MUC3A: variants seen among roughly 807,000 people sequenced by gnomAD.
MUC3A encodes mucin-3A.
MUC3A carries 109 observed loss-of-function variants against 109.0 expected under a neutral mutation model. The observed-to-expected ratio is 1.00, with a 90% confidence interval of 0.86 to 1.17. The LOEUF is 1.17. Ranked by LOEUF, MUC3A falls within the 50% of genes most tolerant of loss-of-function variation. The pLI, the probability that MUC3A is intolerant of heterozygous loss-of-function variation, is 0.00. For missense variants in MUC3A, 3,537 were observed against 2,469.4 expected, an observed-to-expected ratio of 1.43 and a Z score of -9.16; for synonymous variants, 1,398 against 981.4, an observed-to-expected ratio of 1.42 and a Z score of -7.93.
Position 100,956,739 on chromosome 7 carries a change from C to G in MUC3A, c.4960C>G (p.Leu1654Val), listed in dbSNP as rs1397660554. The G allele has an allele frequency of 2.4e-6, 1 of 409,458 alleles. No homozygotes were observed. Among genetic ancestry groups the G allele is most frequent in the Non-Finnish European group, 4.3e-6 (1 of 233,766 alleles). The allele number at this position is 409,458 out of a possible 1,614,324, so 25.4% of individuals were successfully genotyped here. ...STENTPTRSL[L>V]TSFPVTHSFS... ...TGAGAACACTCCAACAAGGTCCCTC[C>G]TGACAAGCTTTCCAGTGACACATTC... The change falls in exon 2 of 12, where the codon CTG becomes GTG. Residue 1654 changes from leucine to valine, a missense_variant. Physicochemically the swap from Leu to Val is conservative, Grantham distance 32. Transcript: ENST00000379458.
In MUC3A at chr7:100,959,164, A is replaced by G. The variant is rs74183623; in HGVS notation, c.7385A>G (p.His2462Arg). ...ACATCCACAACTGCCATCACCTCAC[A>G]TTTTACTACCTCAGAGACTGCGGTG... The part of the protein sequence containing the change: ...VSTSTTAITS[H>R]FTTSETAVTP... Residue 2462 changes from histidine to arginine, a missense_variant, in exon 2 of 12, where the codon CAT (histidine) becomes CGT (arginine). Transcript: ENST00000379458. 2 of 1,226,862 alleles carry G rather than the reference A, an allele frequency of 1.6e-6. No individual in the cohort carries two copies. Among genetic ancestry groups the G allele is most frequent in the Non-Finnish European group, 2.0e-6 (2 of 979,722 alleles). 76.0% of individuals were successfully genotyped at this position (1,226,862 alleles called of 1,614,324 possible).
rs1792422438 is a variant in MUC3A at position 100,963,759 on chromosome 7, G to T, written c.9233+7G>T. On this transcript the variant is annotated splice_region_variant and intron_variant, in intron 5 of 11. Coordinates refer to ENST00000379458, the MANE Select transcript of MUC3A (RefSeq NM_005960.2). ...TGGAGATCCTGTCCCTGAGGTAGGAGACCCATCTGGGGATGCGGAGGCGGT... is the reference window on the plus strand; with the variant it reads ...TGGAGATCCTGTCCCTGAGGTAGGATACCCATCTGGGGATGCGGAGGCGGT... 2.5e-6 allele frequency: 4 copies of T among 1,598,572 alleles called. No individual in the cohort carries two copies. Among genetic ancestry groups the T allele is most frequent in the African/African-American group, 1.3e-5 (1 of 75,084 alleles).
chr7:100,967,563 C>G lies in MUC3A; in HGVS notation c.*401C>G. On this transcript the variant is annotated 3_prime_UTR_variant, in exon 12 of 12. Coordinates refer to ENST00000379458, the MANE Select transcript of MUC3A (RefSeq NM_005960.2). ...CCTCTCTCGGATCCTCCAATCCTCA[C>G]GTCCTTCACCTGGTCTCTGGCCCTG... 2.3e-6 allele frequency: 1 copy of G among 427,848 alleles called. No homozygotes were observed. Among genetic ancestry groups the G allele is most frequent in the South Asian group, 3.9e-5 (1 of 25,368 alleles). The allele number at this position is 427,848 out of a possible 1,614,324, so 26.5% of individuals were successfully genotyped here.
chr7:100,962,218 C>T (rs1319999612), intron 3 of MUC3A, among the ~76,000 whole-genome samples: 6,883 of 100,868 alleles, frequency 0.068, 1,648 homozygotes, highest in Middle Eastern at 0.1. Flanking sequence ...GGCGACAGAG[C>T]GAGACTCCGT....
rs2116175396 is a variant in MUC3A at position 100,956,069 on chromosome 7, G to GA, written c.4290_4291insA (p.Val1431SerfsTer31). 5.0e-6 allele frequency: 2 copies of GA among 401,212 alleles called. No homozygotes were observed. Among genetic ancestry groups the GA allele is most frequent in the Middle Eastern group, 4.2e-4 (1 of 2,356 alleles). The allele number at this position is 401,212 out of a possible 1,614,324, so 24.9% of individuals were successfully genotyped here. ...CTTCTACACCTGTCCCAAGCACAGA[G>GA]GTGACCACCAGTCATACCACAAACA... On this transcript the variant is annotated frameshift_variant, in exon 2 of 12. Transcript: ENST00000379458. LOFTEE classifies it high-confidence loss of function.
chr7:100,954,077 C>G lies in MUC3A; in HGVS notation c.2298C>G (p.Thr766=). The change falls in exon 2 of 12, where the codon ACC becomes ACG. Residue 766 remains threonine, a synonymous_variant. Transcript: ENST00000379458. ...KTPTTNLVTT[T]TKTTSHSTTS... ...CTACCACAAACTTGGTAACCACCACCACCAAGACCACCTCACATAGTACCA... is the reference window on the plus strand; with the variant it reads ...CTACCACAAACTTGGTAACCACCACGACCAAGACCACCTCACATAGTACCA... The G allele has an allele frequency of 1.8e-6, 1 of 550,060 alleles. No individual in the cohort carries two copies. The highest frequency in any genetic ancestry group is 3.2e-6 in the Non-Finnish European group (1 of 314,334). The allele number at this position is 550,060 out of a possible 1,614,324, so 34.1% of individuals were successfully genotyped here.
Position 100,967,304 on chromosome 7 carries a change from A to C in MUC3A, c.*142A>C. ...GGGCAAGATGAGACTGTTCCCCCAA[A>C]TCCCATCCTTCTCCTTCCAACTTGG... On this transcript the variant is annotated 3_prime_UTR_variant, in exon 12 of 12. Transcript: ENST00000379458. 1.5e-6 allele frequency: 2 copies of C among 1,335,658 alleles called. No individual in the cohort carries two copies. Among genetic ancestry groups the C allele is most frequent in the Non-Finnish European group, 2.0e-6 (2 of 978,034 alleles). 82.7% of individuals were successfully genotyped at this position (1,335,658 alleles called of 1,614,324 possible).
At chr7:100,960,667 T>C (rs1251177256) in intron 2 of MUC3A, 22 bp downstream of exon 2, 13 of 1,593,420 alleles carry the variant, frequency 8.2e-6, no homozygotes, top group Non-Finnish European at 1.1e-5. Flanking sequence ...TGCCTCTCTG[T>C]TCCCCTCCTT....
Position 100,957,716 on chromosome 7 carries a change from C to G in MUC3A, c.5937C>G (p.Ile1979Met), listed in dbSNP as rs1792138922. 2.2e-6 allele frequency: 3 copies of G among 1,379,170 alleles called. No homozygotes were observed. The African/African-American group carries it at 4.8e-5, about 22-fold the overall frequency. 85.4% of individuals were successfully genotyped at this position (1,379,170 alleles called of 1,614,324 possible). ...ATACTCCCAGCCTCACTTCTTCAAT[C>G]ACCACCACCAAGACCACCTCACACA... ...SHNTPSLTSS[I>M]TTTKTTSHST... The change falls in exon 2 of 12, where the codon ATC becomes ATG. Residue 1979 changes from isoleucine to methionine, a missense_variant. By Grantham distance (10) the Ile-to-Met change is conservative. Coordinates refer to ENST00000379458, the MANE Select transcript of MUC3A (RefSeq NM_005960.2).
At position 100,958,897 on chromosome 7, in the gene MUC3A, C is replaced by A; in HGVS notation, c.7118C>A (p.Pro2373His). The A allele has an allele frequency of 1.3e-6, 2 of 1,594,398 alleles. No individual in the cohort carries two copies. The highest frequency in any genetic ancestry group is 1.3e-5 in the African/African-American group (1 of 74,804). ...TTTETTSHST[P>H]SFSSSITTTE... ...ACCGAGACCACCTCACACAGTACTCCCAGCTTCAGTTCTTCAATCACCACC... is the reference window on the plus strand; with the variant it reads ...ACCGAGACCACCTCACACAGTACTCACAGCTTCAGTTCTTCAATCACCACC... The change falls in exon 2 of 12, where the codon CCC (proline) becomes CAC (histidine). Residue 2373 changes from proline (P) to histidine (H), a missense_variant. Transcript: ENST00000379458.
At position 100,963,403 on chromosome 7, in the gene MUC3A, A is replaced by C. The variant is rs1288495990; in HGVS notation, c.9168+137A>C. On this transcript the variant is annotated intron_variant, in intron 4 of 11. Coordinates refer to ENST00000379458, the MANE Select transcript of MUC3A (RefSeq NM_005960.2). ...CGGGTTCACATGATTCTCTTGCCTC[A>C]GCCTCCCAAGTAGCTGGGATTACAG... The C allele has an allele frequency of 1.2e-5, 10 of 826,470 alleles. No individual in the cohort carries two copies. In the East Asian group the frequency reaches 2.4e-4, roughly 20 times the overall value. 51.2% of individuals were successfully genotyped at this position (826,470 alleles called of 1,614,324 possible).
At chr7:100,951,815 A>AT in intron 1 of MUC3A, 26 bp from the exon 2 acceptor site, 1 of 1,590,170 alleles carries the variant, frequency 6.3e-7, no homozygotes, top group Non-Finnish European at 8.5e-7. Flanking sequence ...TTACCAGTGG[A>AT]TTCCTCTGCT....
chr7:100,967,273 G>A lies in MUC3A; in HGVS notation c.*111G>A, dbSNP rs1584815520. 1 of 1,512,640 alleles carries A rather than the reference G, an allele frequency of 6.6e-7. No homozygotes were observed. Among genetic ancestry groups the A allele is most frequent in the Non-Finnish European group, 8.9e-7 (1 of 1,120,740 alleles). 93.7% of individuals were successfully genotyped at this position (1,512,640 alleles called of 1,614,324 possible). A position where few individuals can be genotyped will look rare whatever the true frequency, so the allele number is the denominator to read the frequency against. Reference sequence around the variant, plus strand: ...GACGCGGGCAGCCCAGGCTCCTGCTGTTCTTGGGCAAGATGAGACTGTTCC... The same window carrying A: ...GACGCGGGCAGCCCAGGCTCCTGCTATTCTTGGGCAAGATGAGACTGTTCC... On this transcript the variant is annotated 3_prime_UTR_variant, in exon 12 of 12. Transcript: ENST00000379458.
intron 1 of MUC3A, among the ~76,000 whole-genome samples, chr7:100,950,134 CT>C (rs1380367913): frequency 1.3e-5 from 2 of 152,010 alleles, no homozygotes; most frequent in Non-Finnish European, 2.9e-5. Context: ...ACTTCTACCC[CT>C]GGTCTCGGTC....
chr7:100,959,030 G>T lies in MUC3A; in HGVS notation c.7251G>T (p.Glu2417Asp). 1 of 1,533,688 alleles carries T rather than the reference G, an allele frequency of 6.5e-7. No homozygotes were observed. The highest frequency in any genetic ancestry group is 8.7e-7 in the Non-Finnish European group (1 of 1,147,038). The change falls in exon 2 of 12, where the codon GAG becomes GAT. Residue 2417 changes from glutamate (E) to aspartate (D), a missense_variant. Transcript: ENST00000379458. Reference sequence around the variant, plus strand: ...TCACTTCTTCAATCACCACCACTGAGACTACCTCACACAGTACTCCTGGCT... The same window carrying T: ...TCACTTCTTCAATCACCACCACTGATACTACCTCACACAGTACTCCTGGCT... Reference protein sequence around the residue: ...PGLTSSITTTETTSHSTPGFT... With the variant: ...PGLTSSITTTDTTSHSTPGFT...
At position 100,964,758 on chromosome 7, in the gene MUC3A, G is replaced by C. The variant is rs776867430; in HGVS notation, c.9297G>C (p.Glu3099Asp). 5 of 1,598,392 alleles carry C rather than the reference G, an allele frequency of 3.1e-6. No homozygotes were observed. The African/African-American group carries it at 6.7e-5, about 21-fold the overall frequency. ...AGATGCCCTTCAGCCCCCAGCTGGA[G>C]AGCGAGTATGAGCAGGTGAAGACCA... ...LLEMPFSPQL[E>D]SEYEQVKTTL... is the part of the protein sequence containing the mutation. The change falls in exon 6 of 12, where the codon GAG becomes GAC. Residue 3099 changes from glutamate (E) to aspartate (D), a missense_variant. Physicochemically the swap from Glu to Asp is conservative, Grantham distance 45. Coordinates refer to ENST00000379458, the MANE Select transcript of MUC3A (RefSeq NM_005960.2).
Position 100,967,315 on chromosome 7 carries a change from C to T in MUC3A, c.*153C>T. ...GACTGTTCCCCCAAATCCCATCCTT[C>T]TCCTTCCAACTTGGCTGAAACCCAC... On this transcript the variant is annotated 3_prime_UTR_variant, in exon 12 of 12. Transcript: ENST00000379458. 6 of 1,279,756 alleles carry T rather than the reference C, an allele frequency of 4.7e-6. No homozygotes were observed. The highest frequency in any genetic ancestry group is 6.4e-6 in the Non-Finnish European group (6 of 934,220). The allele number at this position is 1,279,756 out of a possible 1,614,324, so 79.3% of individuals were successfully genotyped here.
Position 100,954,262 on chromosome 7 carries a change from C to T in MUC3A, c.2483C>T (p.Pro828Leu), listed in dbSNP as rs1379855724. Residue 828 changes from proline to leucine, a missense_variant, in exon 2 of 12, where the codon CCC becomes CTC. By Grantham distance (98) the Pro-to-Leu change is moderately conservative (BLOSUM62 -3). Transcript: ENST00000379458. The part of the protein sequence containing the change: ...IPTSQPTTIT[P>L]SSVGISGSLP... Reference sequence around the variant, plus strand: ...ACCTCACAACCAACAACCATCACTCCCTCATCCGTGGGCATCAGTGGTTCA... The same window carrying T: ...ACCTCACAACCAACAACCATCACTCTCTCATCCGTGGGCATCAGTGGTTCA... 1.3e-4 allele frequency: 58 copies of T among 452,492 alleles called. No individual in the cohort carries two copies. The highest frequency in any genetic ancestry group is 2.1e-4 in the Non-Finnish European group (54 of 259,988). 28.0% of individuals were successfully genotyped at this position (452,492 alleles called of 1,614,324 possible). A position where few individuals can be genotyped will look rare whatever the true frequency, so the allele number is the denominator to read the frequency against.
Position 100,957,760 on chromosome 7 carries a change from C to T in MUC3A, c.5981C>T (p.Ser1994Phe). 1 of 1,353,804 alleles carries T rather than the reference C, an allele frequency of 7.4e-7. No individual in the cohort carries two copies. Among genetic ancestry groups the T allele is most frequent in the African/African-American group, 1.4e-5 (1 of 69,148 alleles). The allele number at this position is 1,353,804 out of a possible 1,614,324, so 83.9% of individuals were successfully genotyped here. A position where few individuals can be genotyped will look rare whatever the true frequency, so the allele number is the denominator to read the frequency against. ...TTSHSTPSYT[S>F]LITTTTTTSH... ...TCACACAGTACTCCCAGCTACACTTCTTTGATCACCACAACCACCACCACC... is the reference window on the plus strand; with the variant it reads ...TCACACAGTACTCCCAGCTACACTTTTTTGATCACCACAACCACCACCACC... The change falls in exon 2 of 12, where the codon TCT (serine) becomes TTT (phenylalanine). Residue 1994 changes from serine (S) to phenylalanine (F), a missense_variant. Ser to Phe is a radical substitution (Grantham distance 155). Coordinates refer to ENST00000379458, the MANE Select transcript of MUC3A (RefSeq NM_005960.2).
Sources: gnomAD v4.1 joint callset for allele counts (sites outside exome capture counted in the v4.1 genomes callset) on GRCh38, gnomAD v4.1.1 for gene constraint, MANE v1.5 for transcripts, NCBI Gene and HGNC (gene_info 2026-07-23, HGNC 2026-07-21) for gene names.